The following BICD1 variants were observed in gnomAD, a reference collection of about 807,000 sequenced individuals.
The protein encoded by BICD1 is BICD cargo adaptor 1.
Under a neutral mutation model 92.5 loss-of-function variants are expected in BICD1, and 35 were observed. The ratio of observed to expected loss-of-function variants is 0.38; its 90% CI spans 0.29 to 0.50. The LOEUF (loss-of-function observed/expected upper bound fraction) is 0.50. Ranked by LOEUF, BICD1 falls within the 20% of genes least tolerant of loss-of-function variation. The pLI is 0.93. For synonymous variants in BICD1, 429 were observed against 465.1 expected, an observed-to-expected ratio of 0.92 and a Z score of 1.00; for missense variants, 950 against 1,189.8, an observed-to-expected ratio of 0.80 and a Z score of 2.97.
intron 1 of BICD1, among the ~76,000 whole-genome samples, chr12:32,185,822 G>T (rs1391034061): frequency 2.0e-5 from 3 of 152,170 alleles, no homozygotes; most frequent in African/African-American, 7.2e-5. Context: ...CCAGATGATG[G>T]CCCACTTCAG....
chr12:32,189,191 A>C (rs1257069584), intron 1 of BICD1, among the ~76,000 whole-genome samples: 2 of 152,224 alleles, frequency 1.3e-5, no homozygotes, highest in Non-Finnish European at 2.9e-5. Context: ...ATGCAGTTAG[A>C]ACTTAAGAAG....
chr12:32,340,117 C>G (rs1938307714), intron 8 of BICD1: 1 of 985,164 alleles, frequency 1.0e-6, no homozygotes, highest in Non-Finnish European at 1.2e-6. Context: ...TACCTTAATT[C>G]CTTTTTGCAA....
chr12:32,305,285 T>C (rs1399861299), intron 3 of BICD1, among the ~76,000 whole-genome samples: 1 of 152,164 alleles, frequency 6.6e-6, no homozygotes, highest in African/African-American at 2.4e-5. Context: ...TTTTCTTAGA[T>C]TGCAAATATT....
chr12:32,234,324 G>C (rs564430146), intron 2 of BICD1, among the ~76,000 whole-genome samples: 1 of 152,122 alleles, frequency 6.6e-6, no homozygotes, highest in African/African-American at 2.4e-5. Flanking sequence ...TAGGCAGGGC[G>C]TGGTGGCTCA....
At chr12:32,353,877 G>A (rs533362972) in intron 8 of BICD1, 20 of 152,268 alleles carry the variant, frequency 1.3e-4, no homozygotes, top group African/African-American at 4.6e-4. Flanking sequence ...TCTTGAGAAG[G>A]TCATTTCTAA....
intron 1 of BICD1, among the ~76,000 whole-genome samples, chr12:32,138,800 T>C (rs74461897): frequency 0.041 from 6,254 of 152,298 alleles, 194 homozygotes; most frequent in Non-Finnish European, 0.057. Flanking sequence ...ATGGGTTTAC[T>C]AGGACATAAT....
chr12:32,283,346 G>T (rs2136173362), intron 2 of BICD1, among the ~76,000 whole-genome samples: 1 of 132,938 alleles, frequency 7.5e-6, no homozygotes, highest in South Asian at 2.6e-4. Flanking sequence ...CTTGCTCAGA[G>T]TCTGGGCATT....
chr12:32,116,510 C>CTCTCTATATA (rs1233964108), intron 1 of BICD1, among the ~76,000 whole-genome samples: 11 of 104,402 alleles, frequency 1.1e-4, no homozygotes, highest in East Asian at 3.3e-4. Context: ...CTCTCTCTCT[C>CTCTCTATATA]TATATATATA....
intron 8 of BICD1, among the ~76,000 whole-genome samples, chr12:32,358,818 T>G (rs1368666557): frequency 6.6e-6 from 1 of 151,774 alleles, no homozygotes; most frequent in Non-Finnish European, 1.5e-5. Context: ...TCTCATAGAG[T>G]TTTTACAAGG....
chr12:32,142,453 C>CTAT (rs1238808044), intron 1 of BICD1, among the ~76,000 whole-genome samples: 24 of 112,878 alleles, frequency 2.1e-4, no homozygotes, highest in African/African-American at 7.0e-4. Flanking sequence ...ACCTATCTAT[C>CTAT]CTATCTATCT....
At chr12:32,209,603 G>A (rs1945155193) in intron 1 of BICD1, among the ~76,000 whole-genome samples, 2 of 152,180 alleles carry the variant, frequency 1.3e-5, no homozygotes, top group African/African-American at 4.8e-5. Flanking sequence ...GGAGCACTCA[G>A]ATCTTAAAAT....
chr12:32,327,334 T>C, intron 4 of BICD1, 127 bp from the exon 5 acceptor site: 2 of 1,164,514 alleles, frequency 1.7e-6, no homozygotes, highest in Non-Finnish European at 2.4e-6. Flanking sequence ...CCAATTTAAT[T>C]TGAAATAGTG....
intron 4 of BICD1, among the ~76,000 whole-genome samples, chr12:32,317,993 C>T (rs568102464): frequency 4.0e-5 from 6 of 151,842 alleles, no homozygotes; most frequent in South Asian, 4.2e-4. Flanking sequence ...GCTTGTTTTT[C>T]TCAGGTTTGT....
intron 2 of BICD1, among the ~76,000 whole-genome samples, chr12:32,221,732 C>G (rs261883): frequency 0.68 from 102,955 of 151,684 alleles, 35,663 homozygotes; most frequent in East Asian, 0.89. Context: ...GGAGTATAAA[C>G]AAAAACTGAT....
intron 1 of BICD1, among the ~76,000 whole-genome samples, chr12:32,154,223 CT>C (rs1485720277): frequency 6.6e-6 from 1 of 151,908 alleles, no homozygotes; most frequent in African/African-American, 2.4e-5. Flanking sequence ...GGGTCTAACC[CT>C]TTTTTTATTA....
intron 1 of BICD1, among the ~76,000 whole-genome samples, chr12:32,179,019 C>CG (rs1944198487): frequency 6.6e-6 from 1 of 151,942 alleles, no homozygotes; most frequent in Non-Finnish European, 1.5e-5. Flanking sequence ...TTTAACAGAG[C>CG]GGCCACCTTT....
intron 2 of BICD1, among the ~76,000 whole-genome samples, chr12:32,225,433 C>T (rs1440279727): frequency 1.3e-5 from 2 of 151,978 alleles, no homozygotes; most frequent in East Asian, 1.9e-4. Flanking sequence ...TGTACACTTA[C>T]GTTTTCGTGA....
chr12:32,173,643 A>T (rs556262540), intron 1 of BICD1, among the ~76,000 whole-genome samples: 1 of 152,318 alleles, frequency 6.6e-6, no homozygotes, highest in Non-Finnish European at 1.5e-5. Flanking sequence ...CAGTAGCTCA[A>T]AGAGAGAAAA....
At chr12:32,215,453 T>C (rs1219134671) in intron 1 of BICD1, among the ~76,000 whole-genome samples, 1 of 152,176 alleles carries the variant, frequency 6.6e-6, no homozygotes, top group Non-Finnish European at 1.5e-5. Flanking sequence ...TACTGGGCAA[T>C]TTAAATGCTG....
Sources: gnomAD v4.1 joint callset for allele counts (sites outside exome capture counted in the v4.1 genomes callset) on GRCh38, gnomAD v4.1.1 for gene constraint, MANE v1.5 for transcripts, NCBI Gene and HGNC (gene_info 2026-07-23, HGNC 2026-07-21) for gene names.